CACNA1E: variants seen among roughly 807,000 people sequenced by gnomAD.
CACNA1E encodes voltage-dependent R-type calcium channel subunit alpha-1E.
In CACNA1E, 40 loss-of-function variants were observed where a neutral mutation model predicts 259.2. The ratio of observed to expected loss-of-function variants is 0.15; its 90% CI spans 0.12 to 0.20. CACNA1E has a LOEUF of 0.20. Ranked by LOEUF, CACNA1E falls within the 10% of genes least tolerant of loss-of-function variation. The pLI is 1.00. For synonymous variants in CACNA1E, 1,104 were observed against 1,138.5 expected (o/e 0.97, Z 0.61); for missense variants, 1,874 against 3,040.1 (o/e 0.62, Z 9.02).
intron 39 of CACNA1E, 92 bp from the exon 40 acceptor site, chr1:181,783,587 A>T: frequency 1.4e-6 from 1 of 704,504 alleles, no homozygotes; most frequent in Admixed American, 2.3e-5. Context: ...TCGTCTGTGC[A>T]TTTGACCTCT....
upstream of CACNA1E, among the ~76,000 whole-genome samples, chr1:181,479,832 G>C (rs1397293998): frequency 6.6e-6 from 1 of 152,234 alleles, no homozygotes; most frequent in Non-Finnish European, 1.5e-5. Context: ...CCGCTTATCA[G>C]ATGTGGGCAA....
At chr1:181,611,507 ATGG>A (rs1357690582) in intron 6 of CACNA1E, among the ~76,000 whole-genome samples, 2 of 152,072 alleles carry the variant, frequency 1.3e-5, no homozygotes, top group Non-Finnish European at 2.9e-5. Context: ...TAGCAGGCAG[ATGG>A]TGGGTTTTGG....
chr1:181,575,961 G>A (rs181428972), intron 3 of CACNA1E, among the ~76,000 whole-genome samples: 7 of 151,488 alleles, frequency 4.6e-5, no homozygotes, highest in Non-Finnish European at 1.0e-4. Context: ...GTTGCTTCTC[G>A]TTCTTTTTTC....
chr1:181,375,571 C>T (rs992692858), intron 1 of CACNA1E, among the ~76,000 whole-genome samples: 1 of 152,160 alleles, frequency 6.6e-6, no homozygotes, highest in East Asian at 1.9e-4. Context: ...AATTTTCCAT[C>T]GAATGTGTTG....
At chr1:181,646,442 C>T (rs1558223177) in intron 6 of CACNA1E, among the ~76,000 whole-genome samples, 2 of 152,306 alleles carry the variant, frequency 1.3e-5, no homozygotes, top group Admixed American at 1.3e-4. Flanking sequence ...TGCTGACAGC[C>T]TCTGGAGCAG....
intron 2 of CACNA1E, among the ~76,000 whole-genome samples, chr1:181,428,571 T>C (rs879432039): frequency 2.0e-5 from 3 of 151,940 alleles, no homozygotes; most frequent in Non-Finnish European, 4.4e-5. Flanking sequence ...GGGGCAGGAA[T>C]GGGAGTTTTA....
chr1:181,359,738 A>G (rs1399938675), intron 1 of CACNA1E, among the ~76,000 whole-genome samples: 1 of 152,204 alleles, frequency 6.6e-6, no homozygotes, highest in Non-Finnish European at 1.5e-5. Flanking sequence ...TGTAGTGGGT[A>G]CTTATCTCTA....
chr1:181,696,275 T>C (rs1651697499), intron 7 of CACNA1E, among the ~76,000 whole-genome samples: 1 of 152,154 alleles, frequency 6.6e-6, no homozygotes, highest in Non-Finnish European at 1.5e-5. Context: ...TAGGAATGCA[T>C]TAATTATCAT....
intron 1 of CACNA1E, among the ~76,000 whole-genome samples, chr1:181,396,176 C>G (rs1259424170): frequency 6.6e-6 from 1 of 152,238 alleles, no homozygotes; most frequent in African/African-American, 2.4e-5. Flanking sequence ...TCCCCCACAG[C>G]AAGTGGCCCA....
intron 3 of CACNA1E, among the ~76,000 whole-genome samples, chr1:181,527,633 T>C (rs1667459389): frequency 6.6e-6 from 1 of 152,242 alleles, no homozygotes; most frequent in African/African-American, 2.4e-5. Flanking sequence ...GTCTTCTTTT[T>C]CTCTCTGTAT....
chr1:181,732,817 C>G lies in CACNA1E; in HGVS notation c.2731C>G (p.Arg911Gly). 6.2e-7 allele frequency: 1 copy of G among 1,609,934 alleles called. No individual in the cohort carries two copies. Among genetic ancestry groups the G allele is most frequent in the Non-Finnish European group, 8.5e-7 (1 of 1,177,730 alleles). Residue 911 changes from arginine to glycine, a missense_variant, in exon 20 of 48, where the codon CGG (arginine) becomes GGG (glycine). Transcript: ENST00000367573. This position sits in a 1 kb window ranked among gnomAD's most constrained non-coding sequence, Gnocchi z 5.5. ...AGAGGCTGTGGTGACCTTTGAGGAC[C>G]GGGCCAGGCACAGGCAGAGCCAACG... ...GGEAVVTFED[R>G]ARHRQSQRRS...
At chr1:181,702,922 GT>G (rs1285541335) in intron 7 of CACNA1E, among the ~76,000 whole-genome samples, 1 of 152,082 alleles carries the variant, frequency 6.6e-6, no homozygotes, top group African/African-American at 2.4e-5. Context: ...CTTGTTTATT[GT>G]TTTTCTCCTG....
At position 181,731,215 on chromosome 1, in the gene CACNA1E, C is replaced by T. The variant is rs1302799818; in HGVS notation, c.2281C>T (p.Pro761Ser). 6.2e-7 allele frequency: 1 copy of T among 1,613,600 alleles called. No individual in the cohort carries two copies. Among genetic ancestry groups the T allele is most frequent in the Non-Finnish European group, 8.5e-7 (1 of 1,179,562 alleles). Residue 761 changes from proline to serine, a missense_variant, in exon 19 of 48, where the codon CCA becomes TCA. Pro to Ser is a moderately conservative substitution (Grantham distance 74). Coordinates refer to ENST00000367573, the MANE Select transcript of CACNA1E (RefSeq NM_001205293.3). The stretch of plus-strand genomic sequence containing the variant: ...AAGACACCACATGTCGATGTGGGAG[C>T]CACGCAGCAGCCACCTGTATGTGTG... ...RRRHHMSMWE[P>S]RSSHLRERRR...
intron 6 of CACNA1E, among the ~76,000 whole-genome samples, chr1:181,638,995 A>C (rs557291414): frequency 3.3e-5 from 5 of 152,338 alleles, no homozygotes; most frequent in Non-Finnish European, 7.4e-5. Flanking sequence ...AGTTTGTTAC[A>C]TGTACAATTG....
chr1:181,774,146 C>T (rs576715070), intron 37 of CACNA1E, among the ~76,000 whole-genome samples: 4 of 152,282 alleles, frequency 2.6e-5, no homozygotes, highest in East Asian at 3.9e-4. Context: ...TTGGAGCAAG[C>T]GTAACAACAA....
In CACNA1E at chr1:181,496,459, C is replaced by T. The variant is rs145839383; in HGVS notation, c.266+12449C>T. Among the ~76,000 whole-genome samples, 43 of 152,270 alleles carry T rather than the reference C, an allele frequency of 2.8e-4. No homozygotes were observed. The East Asian group carries it at 6.9e-3, about 25-fold the overall frequency. On this transcript the variant is annotated intron_variant, in intron 1 of 47. Transcript: ENST00000367573. ...GGCAGATTTTCTTCCTGGGGGTTGC[C>T]AGCCTCCTGGCTAACTACTTCCTAT...
rs1043196765 is a variant in CACNA1E at position 181,584,210 on chromosome 1, C to T, written c.951+3434C>T. ...CTGTCTGCAGTTACTCACATCTTTG[C>T]TCCTGAAGTCTAGTATGTTTCATTT... On this transcript the variant is annotated intron_variant, in intron 6 of 47. Coordinates refer to ENST00000367573, the MANE Select transcript of CACNA1E (RefSeq NM_001205293.3). Among the ~76,000 whole-genome samples the T allele has an allele frequency of 4.1e-4, 62 of 152,210 alleles. 1 individual carries two copies. Among genetic ancestry groups the T allele is most frequent in the Admixed American group, 3.8e-3 (58 of 15,280 alleles).
chr1:181,434,640 G>T (rs1221524923), intron 2 of CACNA1E, among the ~76,000 whole-genome samples: 1 of 152,170 alleles, frequency 6.6e-6, no homozygotes, highest in Non-Finnish European at 1.5e-5. Flanking sequence ...GAGATCTGGG[G>T]AAGAGCAAGT....
At chr1:181,385,806 C>T (rs1375940817) in intron 1 of CACNA1E, among the ~76,000 whole-genome samples, 1 of 147,940 alleles carries the variant, frequency 6.8e-6, no homozygotes, top group Non-Finnish European at 1.5e-5. Flanking sequence ...CTCCCTCCCT[C>T]CGTTTCTCCA....
Sources: gnomAD v4.1 joint callset for allele counts (sites outside exome capture counted in the v4.1 genomes callset) on GRCh38, gnomAD v4.1.1 for gene constraint, Gnocchi (gnomAD v3.1) non-coding constraint, MANE v1.5 for transcripts, NCBI Gene and HGNC (gene_info 2026-07-23, HGNC 2026-07-21) for gene names.